PSMB10: variants seen among roughly 807,000 people sequenced by gnomAD.
The protein encoded by PSMB10 is proteasome 20S subunit beta 10.
Under a neutral mutation model 29.8 loss-of-function variants are expected in PSMB10, and 29 were observed. The observed-to-expected ratio is 0.97, with a 90% confidence interval of 0.73 to 1.33. PSMB10 has a LOEUF of 1.33. PSMB10 is among the 40% of genes most tolerant of loss of function. The pLI, the probability that PSMB10 is intolerant of heterozygous loss-of-function variation, is 0.00. For synonymous variants in PSMB10, 157 were observed against 164.7 expected, an observed-to-expected ratio of 0.95 and a Z score of 0.36; for missense variants, 327 against 369.2, an observed-to-expected ratio of 0.89 and a Z score of 0.94.
At chr16:67,935,759 A>T (rs2058260794) in intron 4 of PSMB10, 62 bp from the exon 5 acceptor site, 2 of 1,564,168 alleles carry the variant, frequency 1.3e-6, no homozygotes, top group Non-Finnish European at 1.7e-6. Flanking sequence ...CTCTATGCCC[A>T]GCTCCTAGGT....
Position 67,934,898 on chromosome 16 carries a change from C to T in PSMB10, c.609G>A (p.Leu203=), listed in dbSNP as rs1277510295. 2 of 1,613,746 alleles carry T rather than the reference C, an allele frequency of 1.2e-6. No individual in the cohort carries two copies. Among genetic ancestry groups the T allele is most frequent in the East Asian group, 4.5e-5 (2 of 44,884 alleles). The change falls in exon 7 of 8, where the codon TTG becomes TTA. Residue 203 remains leucine, a synonymous_variant. Coordinates refer to ENST00000358514, the MANE Select transcript of PSMB10 (RefSeq NM_002801.4). The surrounding 1 kb of genome is among the most constrained non-coding windows in gnomAD (Gnocchi z 4.3). ...CATTGCCCCCGGAGCCCAGGTCACC[C>T]AAGATCCCGGCGGTGACGGCTTCCA... ...LLVEAVTAGI[L]GDLGSGGNVD...
Position 67,935,467 on chromosome 16 carries a change from C to G in PSMB10, c.511G>C (p.Asp171His), listed in dbSNP as rs772313206. Residue 171 changes from aspartate to histidine, a missense_variant, in exon 6 of 8, where the codon GAC (aspartate) becomes CAC (histidine). Transcript: ENST00000358514. ...LPFTALGSGQDAALAVLEDRF... is the reference protein window; with the variant it reads ...LPFTALGSGQHAALAVLEDRF... ...TCTTCTAGCACCGCCAGGGCCGCGT[C>G]CTGACCAGAGCCTGAAGGCAGGAGA... The G allele has an allele frequency of 5.0e-6, 8 of 1,614,190 alleles. No homozygotes were observed. The South Asian group carries it at 7.7e-5, about 16-fold the overall frequency.
chr16:67,934,883 G>C lies in PSMB10; in HGVS notation c.624C>G (p.Ser208=). 2 of 1,613,836 alleles carry C rather than the reference G, an allele frequency of 1.2e-6. No homozygotes were observed. The highest frequency in any genetic ancestry group is 2.2e-5 in the East Asian group (1 of 44,884). Residue 208 remains serine, a synonymous_variant, in exon 7 of 8, where the codon TCC becomes TCG. Transcript: ENST00000358514. The surrounding 1 kb of genome is among the most constrained non-coding windows in gnomAD (Gnocchi z 4.3). ...VTAGILGDLG[S]GGNVDACVIT... ...TCACACATGCGTCCACATTGCCCCCGGAGCCCAGGTCACCCAAGATCCCGG... is the reference window on the plus strand; with the variant it reads ...TCACACATGCGTCCACATTGCCCCCCGAGCCCAGGTCACCCAAGATCCCGG...
At position 67,935,665 on chromosome 16, in the gene PSMB10, A is replaced by C; in HGVS notation, c.416T>G (p.Val139Gly). 6.2e-7 allele frequency: 1 copy of C among 1,614,080 alleles called. No homozygotes were observed. Among genetic ancestry groups the C allele is most frequent in the Non-Finnish European group, 8.5e-7 (1 of 1,180,026 alleles). Residue 139 changes from valine (V) to glycine (G), a missense_variant, in exon 5 of 8, where the codon GTG becomes GGG. Coordinates refer to ENST00000358514, the MANE Select transcript of PSMB10 (RefSeq NM_002801.4). ...YQGHVGASLI[V>G]GGVDLTGPQL... Reference sequence around the variant, plus strand: ...CGGTCCAGTCAGGTCTACGCCGCCCACGATCAGCGATGCACCCACGTGGCC... The same window carrying C: ...CGGTCCAGTCAGGTCTACGCCGCCCCCGATCAGCGATGCACCCACGTGGCC...
chr16:67,935,901 C>T (rs940354211), intron 4 of PSMB10, 62 bp downstream of exon 4: 44 of 1,570,516 alleles, frequency 2.8e-5, no homozygotes, highest in Admixed American at 2.1e-4. Flanking sequence ...TCTGTCCCGC[C>T]TTCCAATGGC....
rs1257564347 is a variant in PSMB10 at position 67,934,611 on chromosome 16, T to C, written c.771A>G (p.Pro257=). 1.2e-6 allele frequency: 2 copies of C among 1,614,170 alleles called. No individual in the cohort carries two copies. The highest frequency in any genetic ancestry group is 1.7e-5 in the Admixed American group (1 of 60,026). Reference sequence around the variant, plus strand: ...TTTCCTCCACTAGCTCCAGGGTTAGTGGCTTCACTGTCTGGGTCAGGACAG... The same window carrying C: ...TTTCCTCCACTAGCTCCAGGGTTAGCGGCTTCACTGTCTGGGTCAGGACAG... ...TTAVLTQTVK[P]LTLELVEETV... is the part of the protein sequence containing the mutation. Residue 257 remains proline (P), a synonymous_variant, in exon 8 of 8, where the codon CCA becomes CCG. Transcript: ENST00000358514. This position sits in a 1 kb window ranked among gnomAD's most constrained non-coding sequence, Gnocchi z 4.3.
In PSMB10 at chr16:67,936,393, C is replaced by G; in HGVS notation, c.144+5G>C. 1 of 1,612,894 alleles carries G rather than the reference C, an allele frequency of 6.2e-7. No individual in the cohort carries two copies. Among genetic ancestry groups the G allele is most frequent in the Non-Finnish European group, 8.5e-7 (1 of 1,179,386 alleles). On this transcript the variant is annotated splice_donor_5th_base_variant and intron_variant, in intron 2 of 7. Transcript: ENST00000358514. ...TCCAGCTCCCCGTCCCTCCCCGCTG[C>G]TCACTTGGAACACCAGGCCCGCGAT...
chr16:67,936,407 C>T lies in PSMB10; in HGVS notation c.135G>A (p.Leu45=), dbSNP rs1003865622. The change falls in exon 2 of 8, where the codon CTG becomes CTA. Residue 45 remains leucine, a synonymous_variant. Transcript: ENST00000358514. ...CCTCCCCGCTGCTCACTTGGAACAC[C>T]AGGCCCGCGATGGTGGTCCCGGTCT... is the stretch of plus-strand genomic sequence containing the variant. The part of the protein sequence containing the change: ...ARKTGTTIAG[L]VFQDGVILGA... 1 of 1,613,330 alleles carries T rather than the reference C, an allele frequency of 6.2e-7. No homozygotes were observed. The highest frequency in any genetic ancestry group is 8.5e-7 in the Non-Finnish European group (1 of 1,179,738).
Position 67,935,007 on chromosome 16 carries a change from G to A in PSMB10, c.559-59C>T, listed in dbSNP as rs532293571. 1.3e-4 allele frequency: 201 copies of A among 1,578,808 alleles called. No homozygotes were observed. The African/African-American group carries it at 2.4e-3, about 19-fold the overall frequency. ...CTCTCTGCTGTTAACTTAGGCTACA[G>A]CCTGGGGACTTGCCTGTCCACTTAC... On this transcript the variant is annotated intron_variant, in intron 6 of 7. Transcript: ENST00000358514.
Position 67,936,481 on chromosome 16 carries a change from C to G in PSMB10, c.61G>C (p.Ala21Pro). 1 of 1,612,778 alleles carries G rather than the reference C, an allele frequency of 6.2e-7. No individual in the cohort carries two copies. The highest frequency in any genetic ancestry group is 8.5e-7 in the Non-Finnish European group (1 of 1,179,622). ...GFSFENCQRN[A>P]SLERVLPGLK... ...CCCGGGAGGACGCGTTCCAATGATG[C>G]ATTTCTGGAAACGGAGGAGGGCGCC... is the stretch of plus-strand genomic sequence containing the variant. The change falls in exon 2 of 8, where the codon GCA (alanine) becomes CCA (proline). Residue 21 changes from alanine to proline, a missense_variant. Transcript: ENST00000358514.
Position 67,934,943 on chromosome 16 carries a change from C to T in PSMB10, c.564G>A (p.Glu188=), listed in dbSNP as rs754657639. The part of the protein sequence containing the change: ...EDRFQPNMTL[E]AAQGLLVEAV... ...CTTCCACCAGCAGCCCCTGAGCAGC[C>T]TCCAGCTGCGGTGATGGGTGTGTGA... Residue 188 remains glutamate, a synonymous_variant, in exon 7 of 8, where the codon GAG becomes GAA. Transcript: ENST00000358514. The surrounding 1 kb of genome is among the most constrained non-coding windows in gnomAD (Gnocchi z 4.3). 1.1e-5 allele frequency: 17 copies of T among 1,611,154 alleles called. No homozygotes were observed. Among genetic ancestry groups the T allele is most frequent in the Non-Finnish European group, 1.4e-5 (17 of 1,179,970 alleles).
rs1050654704 is a variant in PSMB10, at chr16:67,935,963, C to A, written c.383G>T (p.Arg128Met). 3.1e-6 allele frequency: 5 copies of A among 1,609,052 alleles called. No individual in the cohort carries two copies. In the South Asian group the frequency reaches 4.4e-5, roughly 14 times the overall value. Residue 128 changes from arginine to methionine, a missense_variant and splice_region_variant, in exon 4 of 8, where the codon AGG becomes ATG. Arg to Met is a moderately conservative substitution (Grantham distance 91). Coordinates refer to ENST00000358514, the MANE Select transcript of PSMB10 (RefSeq NM_002801.4). ...GGTCCTGTTAGCCCTGCCCCCGCAC[C>A]TGAAGAGCGTCTGGCGCAGGATGCG... ...VTRILRQTLFRYQGHVGASLI... is the reference protein window; with the variant it reads ...VTRILRQTLFMYQGHVGASLI...
chr16:67,934,545 G>A lies in PSMB10; in HGVS notation c.*15C>T, dbSNP rs776227030. On this transcript the variant is annotated 3_prime_UTR_variant, in exon 8 of 8. Transcript: ENST00000358514. The surrounding 1 kb of genome is among the most constrained non-coding windows in gnomAD (Gnocchi z 4.3). ...CTGGGTTTATTCCCCCTTGTTCCAA[G>A]CTCTAAGCCTCAGCTTACTCCACCT... 1 of 1,606,334 alleles carries A rather than the reference G, an allele frequency of 6.2e-7. No homozygotes were observed. Among genetic ancestry groups the A allele is most frequent in the Non-Finnish European group, 8.5e-7 (1 of 1,172,970 alleles).
rs1294533696 is a variant in PSMB10 at position 67,935,998 on chromosome 16, G to A, written c.348C>T (p.Ala116=). ...TCTGGCGCAGGATGCGAGTGACCGT[G>A]GCCACGCGGGGCTCGCGGCCCGTAG... ...ALSTGREPRV[A]TVTRILRQTL... The change falls in exon 4 of 8, where the codon GCC becomes GCT. Residue 116 remains alanine, a synonymous_variant. Coordinates refer to ENST00000358514, the MANE Select transcript of PSMB10 (RefSeq NM_002801.4). The A allele has an allele frequency of 3.7e-6, 6 of 1,612,174 alleles. No homozygotes were observed. The highest frequency in any genetic ancestry group is 3.4e-6 in the Non-Finnish European group (4 of 1,179,282).
chr16:67,934,994 A>G lies in PSMB10; in HGVS notation c.559-46T>C, dbSNP rs2058257385. On this transcript the variant is annotated intron_variant, in intron 6 of 7. Coordinates refer to ENST00000358514, the MANE Select transcript of PSMB10 (RefSeq NM_002801.4). This position sits in a 1 kb window ranked among gnomAD's most constrained non-coding sequence, Gnocchi z 4.3. ...GACCTAACGGGCTCTCTCTGCTGTT[A>G]ACTTAGGCTACAGCCTGGGGACTTG... 1 of 1,591,664 alleles carries G rather than the reference A, an allele frequency of 6.3e-7. No homozygotes were observed. Among genetic ancestry groups the G allele is most frequent in the South Asian group, 1.1e-5 (1 of 90,076 alleles).
At chr16:67,935,936 G>C in intron 4 of PSMB10, 27 bp downstream of exon 4, 1 of 1,593,696 alleles carries the variant, frequency 6.3e-7, no homozygotes, top group Non-Finnish European at 8.6e-7. Flanking sequence ...TACCCCTGCC[G>C]GGGTCCTGTT....
At chr16:67,935,779 G>T in intron 4 of PSMB10, 82 bp from the exon 5 acceptor site, 1 of 1,513,744 alleles carries the variant, frequency 6.6e-7, no homozygotes, top group Non-Finnish European at 9.0e-7. Flanking sequence ...TGCTATCCCC[G>T]CCCCTTCCTG....
rs2058263893 is a variant in PSMB10 at position 67,936,322 on chromosome 16, G to A, written c.145-10C>T. 6.2e-7 allele frequency: 1 copy of A among 1,612,364 alleles called. No homozygotes were observed. Among genetic ancestry groups the A allele is most frequent in the Non-Finnish European group, 8.5e-7 (1 of 1,178,902 alleles). ...CCAGAATGACCCCGTCCTGAGGAGA[G>A]GGAGGGACCGCAGCTTCAGTGCCTG... On this transcript the variant is annotated splice_polypyrimidine_tract_variant and intron_variant, in intron 2 of 7. Coordinates refer to ENST00000358514, the MANE Select transcript of PSMB10 (RefSeq NM_002801.4).
In PSMB10 at chr16:67,936,236, T is replaced by C. The variant is rs1449777589; in HGVS notation, c.221A>G (p.His74Arg). 2.5e-6 allele frequency: 4 copies of C among 1,613,996 alleles called. No individual in the cohort carries two copies. Among genetic ancestry groups the C allele is most frequent in the Non-Finnish European group, 3.4e-6 (4 of 1,179,948 alleles). The change falls in exon 3 of 8, where the codon CAC becomes CGC. Residue 74 changes from histidine to arginine, a missense_variant. Physicochemically the swap from His to Arg is conservative, Grantham distance 29. Coordinates refer to ENST00000358514, the MANE Select transcript of PSMB10 (RefSeq NM_002801.4). ...VVADKSCEKI[H>R]FIAPKIYCCG... The stretch of plus-strand genomic sequence containing the variant: ...TCACTAGATTTTGGGGGCGATGAAG[T>C]GGATCTTCTCGCAGCTCTTGTCCGC...
Sources: allele counts gnomAD v4.1 joint callset, GRCh38; gene constraint gnomAD v4.1.1; non-coding constraint Gnocchi (gnomAD v3.1); transcripts MANE v1.5; gene names NCBI Gene and HGNC (gene_info 2026-07-23, HGNC 2026-07-21).